PRKCD: variants seen among roughly 807,000 people sequenced by gnomAD.
The protein encoded by PRKCD is protein kinase C delta.
In PRKCD, 20 loss-of-function variants were observed where a neutral mutation model predicts 82.2. The observed-to-expected ratio is 0.24, with a 90% CI of 0.17 to 0.35. PRKCD has a LOEUF of 0.35. PRKCD is among the 10% of genes least tolerant of loss of function. PRKCD has a pLI of 1.00. For synonymous variants in PRKCD, 317 were observed against 337.0 expected, an observed-to-expected ratio of 0.94 and a Z score of 0.65; for missense variants, 607 against 899.0, an observed-to-expected ratio of 0.68 and a Z score of 4.15.
chr3:53,179,912 C>T (rs1553666999), intron 4 of PRKCD, 136 bp downstream of exon 4: 8 of 1,083,026 alleles, frequency 7.4e-6, no homozygotes, highest in Non-Finnish European at 1.1e-5. Context: ...CTGTGCTGGC[C>T]ACCAGTCCAG....
intron 9 of PRKCD, among the ~76,000 whole-genome samples, chr3:53,184,363 AC>A (rs1703589412): frequency 6.9e-6 from 1 of 144,472 alleles, no homozygotes; most frequent in Non-Finnish European, 1.5e-5. Flanking sequence ...AACAACAACA[AC>A]AACAAAAATC....
At chr3:53,188,612 C>T (rs1423228794) in intron 15 of PRKCD, 108 bp from the exon 16 acceptor site, 4 of 1,405,146 alleles carry the variant, frequency 2.8e-6, no homozygotes, top group East Asian at 2.3e-5. Flanking sequence ...TCCCTTGTAC[C>T]CTTGGGGACA....
At chr3:53,170,883 G>T (rs1422253649) in intron 2 of PRKCD, among the ~76,000 whole-genome samples, 1 of 152,110 alleles carries the variant, frequency 6.6e-6, no homozygotes, top group Non-Finnish European at 1.5e-5. Flanking sequence ...GGTGTGGTCT[G>T]TGTGGGCCCG....
At chr3:53,162,695 CGTGTGTGTGTGT>C (rs34874901) in intron 1 of PRKCD, among the ~76,000 whole-genome samples, 3 of 147,972 alleles carry the variant, frequency 2.0e-5, no homozygotes, top group South Asian at 2.2e-4. Flanking sequence ...TCACCAGACT[CGTGTGTGTGTGT>C]GTGTGTGTGT....
Position 53,188,853 on chromosome 3 carries a change from C to T in PRKCD, c.1549C>T (p.Pro517Ser). 6.2e-7 allele frequency: 1 copy of T among 1,614,086 alleles called. No homozygotes were observed. The highest frequency in any genetic ancestry group is 8.5e-7 in the Non-Finnish European group (1 of 1,180,010). Residue 517 changes from proline to serine, a missense_variant, in exon 16 of 19, where the codon CCT (proline) becomes TCT (serine). By Grantham distance (74) the Pro-to-Ser change is moderately conservative. Coordinates refer to ENST00000330452, the MANE Select transcript of PRKCD (RefSeq NM_006254.4). Reference protein sequence around the residue: ...TFCGTPDYIAPEILQGLKYTF... With the variant: ...TFCGTPDYIASEILQGLKYTF... ...CTGCGGCACCCCTGACTATATCGCC[C>T]CTGAGGTGAGCCGATACCCTTCCAG...
chr3:53,163,007 T>G (rs1410834717), intron 1 of PRKCD, among the ~76,000 whole-genome samples: 1 of 151,732 alleles, frequency 6.6e-6, no homozygotes, highest in African/African-American at 2.4e-5. Context: ...GTTCCTGCTG[T>G]GGAGTGAGCT....
intron 2 of PRKCD, among the ~76,000 whole-genome samples, chr3:53,174,761 C>G (rs187829181): frequency 6.6e-6 from 1 of 152,316 alleles, no homozygotes; most frequent in Non-Finnish European, 1.5e-5. Flanking sequence ...GAGGTTGGGT[C>G]TGACGCTATG....
At chr3:53,189,775 C>A in intron 17 of PRKCD, 98 bp from the exon 18 acceptor site, 1 of 1,553,242 alleles carries the variant, frequency 6.4e-7, no homozygotes, top group Non-Finnish European at 8.8e-7. Context: ...GGGGCTGGGG[C>A]AAGCCTGGCT....
Position 53,179,799 on chromosome 3 carries a change from C to CGTGTGT in PRKCD, c.315+38_315+43dup, listed in dbSNP as rs3830263. The stretch of plus-strand genomic sequence containing the variant: ...TGGGTAAGGGGCGCACGAGCCGTGC[C>CGTGTGT]GTGTGTGTGTGTGTGTGTGTCTGTG... On this transcript the variant is annotated intron_variant, in intron 4 of 18. Coordinates refer to ENST00000330452, the MANE Select transcript of PRKCD (RefSeq NM_006254.4). The CGTGTGT allele has an allele frequency of 0.014, 19,659 of 1,384,106 alleles. 63 individuals are homozygous for CGTGTGT. Among genetic ancestry groups the CGTGTGT allele is most frequent in the South Asian group, 0.018 (1,392 of 79,158 alleles). 85.7% of individuals were successfully genotyped at this position (1,384,106 alleles called of 1,614,324 possible). A position where few individuals can be genotyped will look rare whatever the true frequency, so the allele number is the denominator to read the frequency against.
chr3:53,179,759 G>A lies in PRKCD; in HGVS notation c.298G>A (p.Gly100Ser). 6.4e-7 allele frequency: 1 copy of A among 1,567,960 alleles called. No individual in the cohort carries two copies. The highest frequency in any genetic ancestry group is 8.7e-7 in the Non-Finnish European group (1 of 1,155,188). The part of the protein sequence containing the change: ...VLAERCKKNN[G>S]KAEFWLDLQP... ...GGCCGAGCGCTGCAAGAAGAACAAT[G>A]GCAAGGCTGAGTTCTGGGTAAGGGG... The change falls in exon 4 of 19, where the codon GGC (glycine) becomes AGC (serine). Residue 100 changes from glycine to serine, a missense_variant. This residue lies in a region of PRKCD where 161 missense variants were observed against 227.0 expected (regional missense o/e 0.71). Transcript: ENST00000330452.
intron 16 of PRKCD, 25 bp downstream of exon 16, chr3:53,188,883 C>G (rs1553670107): frequency 6.2e-7 from 1 of 1,612,768 alleles, no homozygotes; most frequent in Non-Finnish European, 8.5e-7. Flanking sequence ...TTCCAGCCCC[C>G]CGCTCAGTCA....
chr3:53,172,300 C>G (rs1016352483), intron 2 of PRKCD, among the ~76,000 whole-genome samples: 3 of 152,086 alleles, frequency 2.0e-5, no homozygotes, highest in African/African-American at 4.8e-5. Flanking sequence ...GGAAGGCCAT[C>G]TAGGCAGCCA....
At chr3:53,181,652 G>T in intron 6 of PRKCD, 46 bp downstream of exon 6, 1 of 1,612,838 alleles carries the variant, frequency 6.2e-7, no homozygotes, top group Non-Finnish European at 8.5e-7. Flanking sequence ...GGTAGTGGGG[G>T]CCGATCCCGG....
At chr3:53,161,971 C>T (rs969293799) in intron 1 of PRKCD, among the ~76,000 whole-genome samples, 1 of 150,708 alleles carries the variant, frequency 6.6e-6, no homozygotes, top group African/African-American at 2.4e-5. Context: ...CGCTCTACCG[C>T]GGGGCCCAGG....
intron 8 of PRKCD, 42 bp from the exon 9 acceptor site, chr3:53,183,410 A>G (rs782372914): frequency 6.2e-7 from 1 of 1,611,090 alleles, no homozygotes; most frequent in Non-Finnish European, 8.5e-7. Context: ...AAGAGGCTGG[A>G]GCTGGCACGT....
chr3:53,172,792 C>G (rs1448630938), intron 2 of PRKCD, among the ~76,000 whole-genome samples: 1 of 152,180 alleles, frequency 6.6e-6, no homozygotes, highest in Non-Finnish European at 1.5e-5. Context: ...GGCAGCCTCC[C>G]TCTGCTCTCA....
In PRKCD at chr3:53,189,905, A is replaced by C. The variant is rs554301583; in HGVS notation, c.1776A>C (p.Gly592=). 9 of 1,614,180 alleles carry C rather than the reference A, an allele frequency of 5.6e-6. No homozygotes were observed. The African/African-American group carries it at 1.2e-4, about 22-fold the overall frequency. The change falls in exon 18 of 19, where the codon GGA becomes GGC. Residue 592 remains glycine, a synonymous_variant. Transcript: ENST00000330452. The part of the protein sequence containing the change: ...LFEREPTKRL[G]VTGNIKIHPF... The stretch of plus-strand genomic sequence containing the variant: ...AAAGGGAACCAACCAAGAGGCTGGG[A>C]GTGACCGGAAACATCAAAATCCACC...
intron 2 of PRKCD, among the ~76,000 whole-genome samples, chr3:53,171,244 C>T (rs574820284): frequency 5.3e-5 from 8 of 152,314 alleles, no homozygotes; most frequent in African/African-American, 1.4e-4. Context: ...CTGACTGAGC[C>T]CAGGACTCCT....
In PRKCD at chr3:53,183,185, G is replaced by A. The variant is rs200410934; in HGVS notation, c.636G>A (p.Ala212=). The A allele has an allele frequency of 5.3e-5, 86 of 1,614,184 alleles. No individual in the cohort carries two copies. Among genetic ancestry groups the A allele is most frequent in the African/African-American group, 1.6e-4 (12 of 75,064 alleles). ...DKIIGRCTGT[A]ANSRDTIFQK... ...TCATCGGCAGATGCACTGGCACCGC[G>A]GCCAACAGCCGGGACACTATAGTGA... The change falls in exon 8 of 19, where the codon GCG becomes GCA. Residue 212 remains alanine, a synonymous_variant. Transcript: ENST00000330452.
Sources: allele counts gnomAD v4.1 joint callset (sites outside exome capture counted in the v4.1 genomes callset), GRCh38; gene constraint gnomAD v4.1.1; regional missense constraint gnomAD v4.1.1; transcripts MANE v1.5; gene names NCBI Gene and HGNC (gene_info 2026-07-23, HGNC 2026-07-21).